Variants in PDE4B observed in about 807,000 individuals in gnomAD.
The protein encoded by PDE4B is phosphodiesterase 4B, also known as 3',5'-cyclic-AMP phosphodiesterase 4B.
In PDE4B, 20 loss-of-function variants were observed where a neutral mutation model predicts 82.2. That is an observed-to-expected ratio of 0.24 (90% CI 0.17 to 0.35). PDE4B has a LOEUF of 0.35. Ranked by LOEUF, PDE4B falls within the 10% of genes least tolerant of loss-of-function variation. PDE4B has a pLI of 1.00. For missense variants in PDE4B, 655 were observed against 907.2 expected, an observed-to-expected ratio of 0.72 and a Z score of 3.57; for synonymous variants, 320 against 318.9, an observed-to-expected ratio of 1.00 and a Z score of -0.04.
intron 3 of PDE4B, among the ~76,000 whole-genome samples, chr1:66,018,621 C>A (rs1341442711): frequency 6.6e-6 from 1 of 152,080 alleles, no homozygotes; most frequent in African/African-American, 2.4e-5. Context: ...TAGAAACTGG[C>A]AGTGACAATT....
chr1:66,328,630 ACCTGCCTGTCT>A (rs1279827847), intron 7 of PDE4B, among the ~76,000 whole-genome samples: 1 of 152,114 alleles, frequency 6.6e-6, no homozygotes, highest in Non-Finnish European at 1.5e-5. Flanking sequence ...ACTTCCTGTC[ACCTGCCTGTCT>A]CCCTGGACAA....
chr1:66,348,151 T>A (rs971341089), intron 8 of PDE4B, among the ~76,000 whole-genome samples: 1 of 152,182 alleles, frequency 6.6e-6, no homozygotes, highest in African/African-American at 2.4e-5. Context: ...ACCTTTGTCA[T>A]CTACTTTGGA....
At chr1:66,324,036 G>T (rs117452028) in intron 7 of PDE4B, among the ~76,000 whole-genome samples, 2 of 152,114 alleles carry the variant, frequency 1.3e-5, no homozygotes, top group Non-Finnish European at 2.9e-5. Context: ...ACAGATTCTC[G>T]TTAGCATATA....
chr1:66,145,398 G>A (rs907122012), intron 3 of PDE4B, among the ~76,000 whole-genome samples: 3 of 152,138 alleles, frequency 2.0e-5, no homozygotes, highest in African/African-American at 7.2e-5. Flanking sequence ...AGCAATGCTG[G>A]AGAGCGTTGC....
chr1:66,298,704 CT>C (rs958146507), intron 7 of PDE4B, among the ~76,000 whole-genome samples: 2 of 152,074 alleles, frequency 1.3e-5, no homozygotes, highest in Admixed American at 6.6e-5. Context: ...CACTTGACAT[CT>C]TTTTTAGTTT....
At chr1:66,199,745 A>G (rs1362151178) in intron 3 of PDE4B, among the ~76,000 whole-genome samples, 1 of 152,206 alleles carries the variant, frequency 6.6e-6, no homozygotes, top group Non-Finnish European at 1.5e-5. Context: ...CTCCATAAAA[A>G]TTAAATTACC....
intron 1 of PDE4B, among the ~76,000 whole-genome samples, chr1:65,799,422 G>A (rs189269047): frequency 6.6e-6 from 1 of 151,052 alleles, no homozygotes; most frequent in African/African-American, 2.5e-5. Flanking sequence ...CAATAAGTTG[G>A]GAGGACATGA....
chr1:66,112,865 T>C (rs1467162327), intron 3 of PDE4B: 1 of 152,250 alleles, frequency 6.6e-6, no homozygotes, highest in Non-Finnish European at 1.5e-5. Flanking sequence ...GTGATGACTA[T>C]CCCAAGATAC....
At chr1:66,150,571 T>G (rs1430662848) in intron 3 of PDE4B, among the ~76,000 whole-genome samples, 3 of 152,208 alleles carry the variant, frequency 2.0e-5, no homozygotes, top group Non-Finnish European at 4.4e-5. Context: ...TTCAATATAA[T>G]GTTGAAAAGA....
chr1:66,008,829 C>G (rs1287156771), intron 3 of PDE4B, among the ~76,000 whole-genome samples: 2 of 152,056 alleles, frequency 1.3e-5, no homozygotes, highest in Non-Finnish European at 2.9e-5. Context: ...TCATGGGCTT[C>G]TCTTTCTCGG....
intron 1 of PDE4B, among the ~76,000 whole-genome samples, chr1:65,837,917 T>C (rs1646160248): frequency 6.6e-6 from 1 of 152,194 alleles, no homozygotes; most frequent in Admixed American, 6.5e-5. Context: ...CCAGTGTGTG[T>C]TACCTTGTTC....
chr1:66,331,903 C>T (rs755183446), intron 7 of PDE4B: 12 of 989,660 alleles, frequency 1.2e-5, no homozygotes, highest in Non-Finnish European at 1.4e-5. Flanking sequence ...ATAGCCTATG[C>T]CTCTTACTTG....
At chr1:66,292,108 G>A (rs943596232) in intron 7 of PDE4B, among the ~76,000 whole-genome samples, 13 of 152,070 alleles carry the variant, frequency 8.5e-5, no homozygotes, top group Non-Finnish European at 1.5e-4. Context: ...TGTATAAATC[G>A]AAGTTTAAGA....
intron 3 of PDE4B, among the ~76,000 whole-genome samples, chr1:65,958,757 C>A (rs1010511667): frequency 6.7e-6 from 1 of 149,224 alleles, no homozygotes; most frequent in African/African-American, 2.6e-5. Context: ...CACGCGCGCG[C>A]GCGCGCGCAC....
chr1:66,355,125 C>CA (rs1553175063), intron 8 of PDE4B: 1 of 413,240 alleles, frequency 2.4e-6, no homozygotes, highest in Admixed American at 4.2e-5. Flanking sequence ...AAAGATGCTT[C>CA]TTTTTTTTTC....
intron 1 of PDE4B, among the ~76,000 whole-genome samples, chr1:65,855,473 G>T (rs1245225099): frequency 2.0e-5 from 3 of 152,062 alleles, no homozygotes; most frequent in Non-Finnish European, 4.4e-5. Context: ...TACTTGCACA[G>T]AACTTCTAGA....
At chr1:66,030,187 T>C (rs536486806) in intron 3 of PDE4B, among the ~76,000 whole-genome samples, 2 of 152,316 alleles carry the variant, frequency 1.3e-5, no homozygotes, top group African/African-American at 4.8e-5. Context: ...AACCTTGCAT[T>C]CCAGGAATAA....
At chr1:66,111,450 ACC>A (rs1189310759) in intron 3 of PDE4B, among the ~76,000 whole-genome samples, 3 of 152,062 alleles carry the variant, frequency 2.0e-5, no homozygotes, top group Non-Finnish European at 4.4e-5. Flanking sequence ...CCTGGCAACC[ACC>A]ATTCTACGTT....
intron 3 of PDE4B, among the ~76,000 whole-genome samples, chr1:65,956,344 G>A (rs1649259458): frequency 6.6e-6 from 1 of 152,086 alleles, no homozygotes; most frequent in Non-Finnish European, 1.5e-5. Flanking sequence ...CTAACAGTTT[G>A]ATTTCAATCT....
Sources: gnomAD v4.1 joint callset for allele counts (sites outside exome capture counted in the v4.1 genomes callset) on GRCh38, gnomAD v4.1.1 for gene constraint, MANE v1.5 for transcripts, NCBI Gene and HGNC (gene_info 2026-07-23, HGNC 2026-07-21) for gene names.